Variants in CAMK4 observed in about 807,000 individuals in gnomAD.
The protein encoded by CAMK4 is calcium/calmodulin-dependent protein kinase type IV.
Under a neutral mutation model 44.9 loss-of-function variants are expected in CAMK4, and 22 were observed. The ratio of observed to expected loss-of-function variants is 0.49; its 90% CI spans 0.35 to 0.70. The LOEUF (loss-of-function observed/expected upper bound fraction) is 0.70, where lower values mean the gene tolerates loss of function less well. Ranked by LOEUF, CAMK4 falls within the 30% of genes least tolerant of loss-of-function variation. The probability of loss-of-function intolerance (pLI) is 0.01; values close to 1 mark genes in which losing one functional copy is unlikely to be tolerated. For missense variants in CAMK4, 498 were observed against 586.8 expected, an observed-to-expected ratio of 0.85 and a Z score of 1.56; for synonymous variants, 218 against 215.4, an observed-to-expected ratio of 1.01 and a Z score of -0.11.
intron 1 of CAMK4, among the ~76,000 whole-genome samples, chr5:111,296,317 T>A (rs1368618022): frequency 4.6e-5 from 7 of 152,214 alleles, no homozygotes; most frequent in Non-Finnish European, 1.0e-4. Flanking sequence ...ATAACACCCC[T>A]ATATTCCATT....
intron 1 of CAMK4, among the ~76,000 whole-genome samples, chr5:111,328,996 G>A (rs939800185): frequency 1.3e-5 from 2 of 151,802 alleles, no homozygotes; most frequent in Admixed American, 6.6e-5. Flanking sequence ...ACTGCAAACC[G>A]AATGCAGCAG....
At chr5:111,287,724 A>G (rs1317888074) in intron 1 of CAMK4, among the ~76,000 whole-genome samples, 1 of 152,230 alleles carries the variant, frequency 6.6e-6, no homozygotes, top group Non-Finnish European at 1.5e-5. Context: ...TATGACTGTT[A>G]GAGATGATCA....
chr5:111,369,304 A>G (rs1750916692), intron 2 of CAMK4, among the ~76,000 whole-genome samples: 1 of 152,042 alleles, frequency 6.6e-6, no homozygotes, highest in African/African-American at 2.4e-5. Flanking sequence ...GCTCCAAGTG[A>G]TCCACCCACC....
Position 111,363,425 on chromosome 5 carries a change from G to T in CAMK4, c.241-11425G>T, listed in dbSNP as rs148857147. 4.0e-3 allele frequency among the ~76,000 whole-genome samples: 603 copies of T among 152,132 alleles called. 5 individuals carry two copies. Among genetic ancestry groups the T allele is most frequent in the African/African-American group, 0.013 (542 of 41,530 alleles). ...CATTTAACAAGTTATTAAATGCCAG[G>T]TATTGGTAAATAACGCCAAAGATAG... On this transcript the variant is annotated intron_variant, in intron 2 of 10. Transcript: ENST00000282356.
At chr5:111,409,590 C>T (rs1405052447) in intron 5 of CAMK4, among the ~76,000 whole-genome samples, 2 of 152,242 alleles carry the variant, frequency 1.3e-5, no homozygotes, top group Non-Finnish European at 2.9e-5. Context: ...ATTACTTATG[C>T]AAATTTCTAC....
intron 1 of CAMK4, among the ~76,000 whole-genome samples, chr5:111,255,318 C>T (rs1412723123): frequency 6.6e-6 from 1 of 152,164 alleles, no homozygotes; most frequent in Non-Finnish European, 1.5e-5. Context: ...AAAAACTCTT[C>T]CCAAGTATCA....
intron 2 of CAMK4, among the ~76,000 whole-genome samples, chr5:111,354,080 G>A (rs1422795526): frequency 6.6e-6 from 1 of 152,094 alleles, no homozygotes; most frequent in Non-Finnish European, 1.5e-5. Context: ...AGATGAATGA[G>A]AAAATGTGGT....
At chr5:111,249,666 A>ATATGTGTGTG (rs1242789662) in intron 1 of CAMK4, among the ~76,000 whole-genome samples, 3 of 140,688 alleles carry the variant, frequency 2.1e-5, no homozygotes, top group African/African-American at 8.0e-5. Context: ...GTGTATATAT[A>ATATGTGTGTG]TGTGTGTGTG....
intron 1 of CAMK4, among the ~76,000 whole-genome samples, chr5:111,295,410 G>T (rs1027955477): frequency 3.9e-5 from 6 of 152,144 alleles, no homozygotes; most frequent in African/African-American, 1.4e-4. Flanking sequence ...AGTGAACCGT[G>T]GGAATTTTGG....
intron 1 of CAMK4, among the ~76,000 whole-genome samples, chr5:111,319,564 T>C (rs1474002757): frequency 6.6e-6 from 1 of 152,168 alleles, no homozygotes; most frequent in Non-Finnish European, 1.5e-5. Flanking sequence ...ATCAGTAAGA[T>C]GCTCTGTGAA....
At chr5:111,327,889 C>A (rs12189174) in intron 1 of CAMK4, among the ~76,000 whole-genome samples, 61,351 of 135,940 alleles carry the variant, frequency 0.45, 14,122 homozygotes, top group South Asian at 0.6. Context: ...GTTTTGAGTT[C>A]ATTGTAGATT....
At chr5:111,373,381 T>A (rs1751084983) in intron 2 of CAMK4, among the ~76,000 whole-genome samples, 1 of 151,782 alleles carries the variant, frequency 6.6e-6, no homozygotes, top group Non-Finnish European at 1.5e-5. Flanking sequence ...AATGAGGTAC[T>A]CTAGGGTCTG....
chr5:111,225,243 G>C (rs531550098), intron 1 of CAMK4, among the ~76,000 whole-genome samples: 150 of 152,272 alleles, frequency 9.9e-4, no homozygotes, highest in Non-Finnish European at 1.8e-3. Context: ...TGGGATCCAG[G>C]CAGTGGTAAT....
intron 3 of CAMK4, among the ~76,000 whole-genome samples, chr5:111,375,736 G>A (rs1429462122): frequency 2.0e-5 from 3 of 152,078 alleles, no homozygotes; most frequent in Admixed American, 2.0e-4. Flanking sequence ...GGCTCAGCTC[G>A]CCGGTGCTGC....
At chr5:111,234,339 A>G (rs969849789) in intron 1 of CAMK4, among the ~76,000 whole-genome samples, 1 of 152,176 alleles carries the variant, frequency 6.6e-6, no homozygotes, top group African/African-American at 2.4e-5. Flanking sequence ...CGGTTTTGAT[A>G]AGAACTTACT....
intron 1 of CAMK4, chr5:111,283,157 T>C (rs1221571550): frequency 6.6e-6 from 1 of 152,236 alleles, no homozygotes; most frequent in African/African-American, 2.4e-5. Flanking sequence ...AGGGACTGTC[T>C]AGATTTGCAT....
intron 1 of CAMK4, among the ~76,000 whole-genome samples, chr5:111,263,138 T>G (rs531300832): frequency 6.6e-6 from 1 of 152,230 alleles, no homozygotes. Context: ...GGGAACACTT[T>G]CAATGATAAA....
At chr5:111,454,647 C>CA (rs66917170) in intron 7 of CAMK4, among the ~76,000 whole-genome samples, 78,502 of 114,468 alleles carry the variant, frequency 0.69, 25,757 homozygotes, top group Non-Finnish European at 0.77. Flanking sequence ...GTCACACAGA[C>CA]AAAAAAAAAA....
chr5:111,258,642 C>G (rs1749842619), intron 1 of CAMK4, among the ~76,000 whole-genome samples: 1 of 152,048 alleles, frequency 6.6e-6, no homozygotes, highest in Non-Finnish European at 1.5e-5. Flanking sequence ...CCAGGTCCCT[C>G]CCACAACACA....
Sources: gnomAD v4.1 joint callset for allele counts (sites outside exome capture counted in the v4.1 genomes callset) on GRCh38, gnomAD v4.1.1 for gene constraint, MANE v1.5 for transcripts, NCBI Gene and HGNC (gene_info 2026-07-23, HGNC 2026-07-21) for gene names.